SART3: variants seen among roughly 807,000 people sequenced by gnomAD.
The protein encoded by SART3 is HIV-1 Tat-interacting protein of 110kDa.
A neutral mutation model predicts 122.3 loss-of-function variants in SART3; 44 were observed. The observed-to-expected ratio is 0.36, with a 90% confidence interval of 0.28 to 0.46. SART3 has a LOEUF of 0.46. Ranked by LOEUF, SART3 falls within the 20% of genes least tolerant of loss-of-function variation. The probability of loss-of-function intolerance (pLI) is 1.00; values close to 1 mark genes in which losing one functional copy is unlikely to be tolerated. For missense variants in SART3, 1,101 were observed against 1,229.0 expected, an observed-to-expected ratio of 0.90 and a Z score of 1.56; for synonymous variants, 442 against 454.0, an observed-to-expected ratio of 0.97 and a Z score of 0.34.
intron 7 of SART3, 144 bp from the exon 8 acceptor site, chr12:108,538,347 A>C: frequency 2.1e-6 from 2 of 966,766 alleles, no homozygotes; most frequent in Non-Finnish European, 3.2e-6. Context: ...ACAACAAAAA[A>C]ATCACTAAGG....
chr12:108,525,717 C>G, intron 16 of SART3, 108 bp from the exon 17 acceptor site: 2 of 1,172,574 alleles, frequency 1.7e-6, no homozygotes, highest in Non-Finnish European at 2.5e-6. Context: ...GCCAGGCAGA[C>G]TAGAGCCAAG....
At chr12:108,549,027 T>C (rs2029886562) in intron 2 of SART3, 61 bp downstream of exon 2, 3 of 1,612,446 alleles carry the variant, frequency 1.9e-6, no homozygotes, top group Non-Finnish European at 8.5e-7. Context: ...ACTTTCAACA[T>C]TGTAAAAAAT....
Position 108,561,160 on chromosome 12 carries a change from G to C in SART3, c.-6C>G, listed in dbSNP as rs755812268. ...GTTTCGGCCGCAGTCGCCATCTTGC[G>C]CTTCTAATGACTCTCGGGTCTTCCC... is the stretch of plus-strand genomic sequence containing the variant. On this transcript the variant is annotated 5_prime_UTR_variant, in exon 1 of 19. Transcript: ENST00000546815. The C allele has an allele frequency of 1.9e-6, 3 of 1,612,852 alleles. No homozygotes were observed. The highest frequency in any genetic ancestry group is 2.5e-6 in the Non-Finnish European group (3 of 1,178,926).
At chr12:108,560,518 T>C (rs2030466886) in intron 1 of SART3, 2 of 404,086 alleles carry the variant, frequency 4.9e-6, no homozygotes, top group African/African-American at 4.1e-5. Context: ...AGTTCTGGAA[T>C]GGGATCAAAG....
At chr12:108,527,357 T>C (rs868554309) in intron 15 of SART3, among the ~76,000 whole-genome samples, 1 of 152,198 alleles carries the variant, frequency 6.6e-6, no homozygotes, top group East Asian at 1.9e-4. Context: ...TGTACTAACA[T>C]TGGCTCCTCC....
At chr12:108,557,974 G>A (rs771744631) in intron 1 of SART3, among the ~76,000 whole-genome samples, 9 of 151,998 alleles carry the variant, frequency 5.9e-5, no homozygotes, top group Non-Finnish European at 1.0e-4. Flanking sequence ...CACCTGCCTG[G>A]GCAACATAGT....
At chr12:108,540,844 G>A (rs1873128639) in intron 6 of SART3, among the ~76,000 whole-genome samples, 1 of 152,158 alleles carries the variant, frequency 6.6e-6, no homozygotes, top group East Asian at 1.9e-4. Context: ...ATCAGTGAGG[G>A]GAAGAAGGAA....
In SART3 at chr12:108,560,846, C is replaced by A; in HGVS notation, c.309G>T (p.Glu103Asp). The change falls in exon 1 of 19, where the codon GAG (glutamate) becomes GAT (aspartate). Residue 103 changes from glutamate (E) to aspartate (D), a missense_variant. By Grantham distance (45) the Glu-to-Asp change is conservative. Around this residue, in one of 2 missense-constraint regions of SART3, gnomAD observed 216 missense variants for 148.9 expected, o/e 1.45. Transcript: ENST00000546815. ...KNQLEIERLEEQLSINVYDYN... is the reference protein window; with the variant it reads ...KNQLEIERLEDQLSINVYDYN... The stretch of plus-strand genomic sequence containing the variant: ...CGCTGCCCACCCCCGGGCCCACCTG[C>A]TCCTCCAGTCTCTCAATCTCCAGCT... 1 of 1,582,666 alleles carries A rather than the reference C, an allele frequency of 6.3e-7. No homozygotes were observed. Among genetic ancestry groups the A allele is most frequent in the Middle Eastern group, 1.7e-4 (1 of 5,938 alleles).
chr12:108,531,436 T>C (rs551407031), intron 13 of SART3, 156 bp from the exon 14 acceptor site: 13 of 650,074 alleles, frequency 2.0e-5, no homozygotes, highest in African/African-American at 1.1e-4. Context: ...AGAATTCAAA[T>C]AGTCCTTCTA....
chr12:108,526,051 T>C, intron 16 of SART3, 48 bp downstream of exon 16: 2 of 1,483,684 alleles, frequency 1.3e-6, no homozygotes, highest in Non-Finnish European at 1.9e-6. Context: ...AAAGTGCCTG[T>C]CTAAAGCAAC....
chr12:108,527,447 T>G (rs1872436127), intron 15 of SART3, among the ~76,000 whole-genome samples: 1 of 152,182 alleles, frequency 6.6e-6, no homozygotes, highest in African/African-American at 2.4e-5. Context: ...TCCCCCACAG[T>G]CTTCCTGGTA....
intron 4 of SART3, chr12:108,544,722 T>G (rs1050210513): frequency 6.4e-6 from 4 of 623,974 alleles, no homozygotes; most frequent in Non-Finnish European, 1.1e-5. Context: ...TACGCCATCA[T>G]GCCCAGCTAA....
rs947095189 is a variant in SART3 at position 108,533,010 on chromosome 12, C to T, written c.1557-676G>A. On this transcript the variant is annotated intron_variant, in intron 12 of 18. Transcript: ENST00000546815. ...TTTTGTACACTGCTAATCACAACAG[C>T]TACACAATTCTGCTAATCATAACTG... Among the ~76,000 whole-genome samples, 7 of 152,290 alleles carry T rather than the reference C, an allele frequency of 4.6e-5. No individual in the cohort carries two copies. In the East Asian group the frequency reaches 1.3e-3, roughly 29 times the overall value.
At position 108,561,155 on chromosome 12, in the gene SART3, C is replaced by T. The variant is rs752252237; in HGVS notation, c.-1G>A. 5 of 1,613,288 alleles carry T rather than the reference C, an allele frequency of 3.1e-6. No individual in the cohort carries two copies. The highest frequency in any genetic ancestry group is 1.3e-5 in the African/African-American group (1 of 75,060). On this transcript the variant is annotated 5_prime_UTR_variant, in exon 1 of 19. Transcript: ENST00000546815. ...CCGAGGTTTCGGCCGCAGTCGCCAT[C>T]TTGCGCTTCTAATGACTCTCGGGTC...
chr12:108,545,410 A>G, intron 3 of SART3, 87 bp from the exon 4 acceptor site: 1 of 1,277,984 alleles, frequency 7.8e-7, no homozygotes, highest in Non-Finnish European at 1.1e-6. Context: ...GTGCCTACCA[A>G]AAAAGTACTC....
Position 108,539,223 on chromosome 12 carries a change from C to T in SART3, c.907-134G>A, listed in dbSNP as rs149934850. On this transcript the variant is annotated intron_variant, in intron 6 of 18. Coordinates refer to ENST00000546815, the MANE Select transcript of SART3 (RefSeq NM_014706.4). ...AATCCTCACTCTCAGAACCACTCCA[C>T]TATGGCCTCTACAACTTCTTGAGCA... 24 of 840,830 alleles carry T rather than the reference C, an allele frequency of 2.9e-5. No individual in the cohort carries two copies. In the African/African-American group the frequency reaches 3.4e-4, roughly 12 times the overall value. 52.1% of individuals were successfully genotyped at this position (840,830 alleles called of 1,614,324 possible). A position where few individuals can be genotyped will look rare whatever the true frequency, so the allele number is the denominator to read the frequency against.
chr12:108,546,251 G>A (rs150836182), intron 3 of SART3, among the ~76,000 whole-genome samples: 2 of 152,218 alleles, frequency 1.3e-5, no homozygotes, highest in East Asian at 3.9e-4. Flanking sequence ...CCAGGCTAGC[G>A]TGCAGAGGCA....
At chr12:108,555,391 G>A (rs1265937330) in intron 1 of SART3, among the ~76,000 whole-genome samples, 1 of 152,180 alleles carries the variant, frequency 6.6e-6, no homozygotes, top group Non-Finnish European at 1.5e-5. Flanking sequence ...TTGGCCGGGG[G>A]CGGTGGCTCA....
chr12:108,523,722 T>A (rs1456298967), intron 18 of SART3, 88 bp from the exon 19 acceptor site: 3 of 1,180,478 alleles, frequency 2.5e-6, no homozygotes, highest in Admixed American at 3.6e-5. Flanking sequence ...ACAGTTTTAA[T>A]ATAACCAGAA....
Sources: gnomAD v4.1 joint callset for allele counts (sites outside exome capture counted in the v4.1 genomes callset) on GRCh38, gnomAD v4.1.1 for gene constraint, gnomAD v4.1.1 regional missense constraint, MANE v1.5 for transcripts, NCBI Gene and HGNC (gene_info 2026-07-23, HGNC 2026-07-21) for gene names.